CSMD1: variants seen among roughly 807,000 people sequenced by gnomAD.
CSMD1 encodes CUB and Sushi multiple domains 1, also known as CUB and sushi domain-containing protein 1.
CSMD1 carries 213 observed loss-of-function variants against 417.5 expected under a neutral mutation model. The ratio of observed to expected loss-of-function variants is 0.51; its 90% CI spans 0.46 to 0.57. CSMD1 has a LOEUF of 0.57. CSMD1 is among the 20% of genes least tolerant of loss of function. The pLI, the probability that CSMD1 is intolerant of heterozygous loss-of-function variation, is 0.00. For missense variants in CSMD1, 6,923 were observed against 4,529.7 expected (o/e 1.53, Z -15.17); for synonymous variants, 2,862 against 1,736.8 (o/e 1.65, Z -16.11).
intron 3 of CSMD1, among the ~76,000 whole-genome samples, chr8:4,351,015 G>C (rs995497997): frequency 3.9e-5 from 6 of 152,082 alleles, no homozygotes; most frequent in African/African-American, 1.4e-4. Context: ...TTAAAGTTCT[G>C]TCTTGGCTAC....
intron 5 of CSMD1, among the ~76,000 whole-genome samples, chr8:3,839,606 T>G (rs529829956): frequency 7.2e-6 from 1 of 138,970 alleles, no homozygotes; most frequent in East Asian, 2.0e-4. Flanking sequence ...ATATATATAG[T>G]TGCCCACTGC....
At chr8:3,889,830 G>A (rs1449622890) in intron 5 of CSMD1, among the ~76,000 whole-genome samples, 4 of 151,790 alleles carry the variant, frequency 2.6e-5, no homozygotes, top group South Asian at 2.1e-4. Flanking sequence ...TTTCTCTTTT[G>A]ACTATTTTGT....
In CSMD1 at chr8:4,337,022, G is replaced by A. The variant is rs142232692; in HGVS notation, c.415+82931C>T. ...GCTGACTGGCCTGCTTACTAAATCT[G>A]CAATTATAAACTGAATTTTGCCCAC... On this transcript the variant is annotated intron_variant, in intron 3 of 69. Coordinates refer to ENST00000635120, the MANE Select transcript of CSMD1 (RefSeq NM_033225.6). Among the ~76,000 whole-genome samples, 295 of 152,128 alleles carry A rather than the reference G, an allele frequency of 1.9e-3. 3 individuals are homozygous for A. The highest frequency in any genetic ancestry group is 6.6e-3 in the African/African-American group (274 of 41,480).
chr8:4,312,899 G>A (rs34888753), intron 3 of CSMD1, among the ~76,000 whole-genome samples: 2,896 of 152,180 alleles, frequency 0.019, 37 homozygotes, highest in Middle Eastern at 0.034. Context: ...TTCATCACAC[G>A]TGGCAAAAAC....
At chr8:3,423,347 T>G (rs758237886) in intron 12 of CSMD1, among the ~76,000 whole-genome samples, 6 of 152,202 alleles carry the variant, frequency 3.9e-5, no homozygotes, top group Non-Finnish European at 7.4e-5. Context: ...TCCCTTTCCC[T>G]TGCTCCTGGC....
intron 3 of CSMD1, among the ~76,000 whole-genome samples, chr8:4,245,095 C>T (rs959807935): frequency 5.3e-5 from 8 of 152,098 alleles, no homozygotes; most frequent in African/African-American, 9.7e-5. Context: ...GAATGAATAA[C>T]GACCCTCAAG....
At chr8:4,903,360 C>T (rs113529528) in intron 1 of CSMD1, among the ~76,000 whole-genome samples, 1 of 152,044 alleles carries the variant, frequency 6.6e-6, no homozygotes, top group African/African-American at 2.4e-5. Flanking sequence ...TAAATATACC[C>T]CTGTGGTTTT....
chr8:4,284,488 T>C (rs1022731356), intron 3 of CSMD1, among the ~76,000 whole-genome samples: 2 of 151,758 alleles, frequency 1.3e-5, no homozygotes, highest in Non-Finnish European at 2.9e-5. Flanking sequence ...TTTCCACATG[T>C]TGCTTTTGCG....
chr8:4,096,058 A>G (rs551527286), intron 3 of CSMD1, among the ~76,000 whole-genome samples: 52 of 139,132 alleles, frequency 3.7e-4, no homozygotes, highest in African/African-American at 1.4e-3. Context: ...TTGTTCTTGT[A>G]ACTACAGTGT....
chr8:3,163,828 TC>T (rs1231894865), intron 37 of CSMD1, among the ~76,000 whole-genome samples: 1 of 151,946 alleles, frequency 6.6e-6, no homozygotes, highest in Non-Finnish European at 1.5e-5. Context: ...CTAACTCCAG[TC>T]CCCACCAGAC....
At chr8:3,402,542 C>A (rs1019334654) in intron 15 of CSMD1, among the ~76,000 whole-genome samples, 2 of 152,144 alleles carry the variant, frequency 1.3e-5, no homozygotes, top group Non-Finnish European at 2.9e-5. Context: ...TTATACTCAA[C>A]ATGTGCCTGG....
intron 40 of CSMD1, among the ~76,000 whole-genome samples, chr8:3,145,644 A>G (rs1163051647): frequency 6.6e-6 from 1 of 152,252 alleles, no homozygotes; most frequent in Admixed American, 6.5e-5. Flanking sequence ...GCCCAGCTCT[A>G]ATCTGGCTTA....
chr8:4,725,222 G>T (rs1809348320), intron 1 of CSMD1, among the ~76,000 whole-genome samples: 1 of 152,116 alleles, frequency 6.6e-6, no homozygotes, highest in East Asian at 1.9e-4. Context: ...AAGTCTTATT[G>T]CAAGCTGTTT....
rs12156281 is a variant in CSMD1 at position 4,441,138 on chromosome 8, A to G, written c.303-21073T>C. 4.8e-4 allele frequency among the ~76,000 whole-genome samples: 27 copies of G among 56,598 alleles called. No individual in the cohort carries two copies. The East Asian group carries it at 0.013, about 28-fold the overall frequency. The allele number at this position is 56,598 out of a possible 152,430, so 37.1% of individuals were successfully genotyped here. On this transcript the variant is annotated intron_variant, in intron 2 of 69. Transcript: ENST00000635120. ...TTTTTTAAGAGATAGGGTCTCTGTC[A>G]CCTAAGCTAGAGTGCAGTGGTACAA...
chr8:4,660,000 T>A (rs1484032222), intron 1 of CSMD1, among the ~76,000 whole-genome samples: 1 of 151,978 alleles, frequency 6.6e-6, no homozygotes, highest in South Asian at 2.1e-4. Flanking sequence ...TATACTCAAC[T>A]TGTAACTATA....
intron 5 of CSMD1, among the ~76,000 whole-genome samples, chr8:3,810,487 G>A (rs566443319): frequency 6.6e-6 from 1 of 152,098 alleles, no homozygotes; most frequent in Non-Finnish European, 1.5e-5. Context: ...GGCAGCCTTT[G>A]GGACCTGGGG....
intron 12 of CSMD1, among the ~76,000 whole-genome samples, chr8:3,442,125 A>G (rs1261226853): frequency 2.0e-5 from 3 of 152,230 alleles, no homozygotes; most frequent in African/African-American, 7.2e-5. Flanking sequence ...AGAAGACTAT[A>G]AAAATATTTT....
At chr8:3,461,910 C>A (rs1453004873) in intron 12 of CSMD1, among the ~76,000 whole-genome samples, 5 of 152,220 alleles carry the variant, frequency 3.3e-5, no homozygotes, top group Non-Finnish European at 7.3e-5. Context: ...AGCCAACTAG[C>A]CCAGCTGAGA....
intron 1 of CSMD1, among the ~76,000 whole-genome samples, chr8:4,742,375 A>T (rs2117010607): frequency 6.6e-6 from 1 of 152,140 alleles, no homozygotes; most frequent in Admixed American, 6.5e-5. Context: ...CGACTGTATC[A>T]TGAGAAATTT....
Sources: allele counts gnomAD v4.1 joint callset (sites outside exome capture counted in the v4.1 genomes callset), GRCh38; gene constraint gnomAD v4.1.1; transcripts MANE v1.5; gene names NCBI Gene and HGNC (gene_info 2026-07-23, HGNC 2026-07-21).